The following PTPRK variants were observed in gnomAD, a reference collection of about 807,000 sequenced individuals.
PTPRK encodes the protein receptor-type tyrosine-protein phosphatase kappa.
In PTPRK, 75 loss-of-function variants were observed where a neutral mutation model predicts 178.0. That is an observed-to-expected ratio of 0.42 (90% CI 0.35 to 0.51). The LOEUF is 0.51. Among genes scored for constraint, PTPRK ranks in the 20% least tolerant of loss-of-function variants. The pLI, the probability that PTPRK is intolerant of heterozygous loss-of-function variation, is 0.02. For missense variants in PTPRK, 1,441 were observed against 1,797.8 expected, an observed-to-expected ratio of 0.80 and a Z score of 3.59; for synonymous variants, 637 against 620.6, an observed-to-expected ratio of 1.03 and a Z score of -0.39.
intron 6 of PTPRK, among the ~76,000 whole-genome samples, chr6:128,201,175 CATG>C (rs1805878223): frequency 6.6e-6 from 1 of 152,054 alleles, no homozygotes; most frequent in African/African-American, 2.4e-5. Context: ...CAAAGAATCT[CATG>C]ATATTATTAA....
At chr6:128,164,775 G>T (rs1286372063) in intron 7 of PTPRK, among the ~76,000 whole-genome samples, 3 of 150,592 alleles carry the variant, frequency 2.0e-5, no homozygotes, top group African/African-American at 4.9e-5. Flanking sequence ...GAAAGGCCAG[G>T]GGAAAAGAAC....
chr6:128,208,351 G>GA (rs1324012821), intron 6 of PTPRK, among the ~76,000 whole-genome samples: 2 of 151,250 alleles, frequency 1.3e-5, no homozygotes, highest in Non-Finnish European at 2.9e-5. Flanking sequence ...ATTGATGTAG[G>GA]AAAAAGGTCC....
intron 1 of PTPRK, among the ~76,000 whole-genome samples, chr6:128,465,137 G>T (rs1176602367): frequency 6.7e-6 from 1 of 150,330 alleles, no homozygotes; most frequent in Non-Finnish European, 1.5e-5. Context: ...AGACAAGGCT[G>T]AAATGAACGT....
chr6:128,148,291 A>C (rs1796774526), intron 7 of PTPRK, among the ~76,000 whole-genome samples: 1 of 152,180 alleles, frequency 6.6e-6, no homozygotes, highest in Admixed American at 6.6e-5. Flanking sequence ...CCTAAAAATA[A>C]AAAGGGTTGC....
intron 1 of PTPRK, among the ~76,000 whole-genome samples, chr6:128,402,274 T>C (rs1459669051): frequency 2.0e-5 from 3 of 152,220 alleles, no homozygotes; most frequent in Non-Finnish European, 4.4e-5. Context: ...TGTTTTTGTT[T>C]AGAGATGGAG....
intron 1 of PTPRK, among the ~76,000 whole-genome samples, chr6:128,409,623 T>C (rs1277909505): frequency 6.6e-6 from 1 of 152,194 alleles, no homozygotes; most frequent in Admixed American, 6.5e-5. Context: ...AATCAACTTG[T>C]AAAGTTACAT....
At chr6:128,009,563 A>G (rs1778827108) in intron 13 of PTPRK, among the ~76,000 whole-genome samples, 1 of 151,202 alleles carries the variant, frequency 6.6e-6, no homozygotes, top group African/African-American at 2.4e-5. Flanking sequence ...GTCCGAACAT[A>G]AGGTTGTCTA....
intron 5 of PTPRK, among the ~76,000 whole-genome samples, chr6:128,223,223 G>A (rs1007180990): frequency 4.0e-5 from 6 of 151,682 alleles, no homozygotes; most frequent in Admixed American, 2.0e-4. Context: ...CAAGTACTTT[G>A]TTAAAATGAA....
chr6:128,240,547 C>T (rs1248379803), intron 4 of PTPRK, among the ~76,000 whole-genome samples: 1 of 152,040 alleles, frequency 6.6e-6, no homozygotes, highest in African/African-American at 2.4e-5. Context: ...ATAATGAAAA[C>T]ATATAATGAT....
At chr6:128,192,788 G>C (rs1190618277) in intron 6 of PTPRK, among the ~76,000 whole-genome samples, 1 of 148,826 alleles carries the variant, frequency 6.7e-6, no homozygotes, top group Admixed American at 6.8e-5. Flanking sequence ...CTGCACTCCA[G>C]TGTGGGCAAC....
chr6:128,320,574 AT>A (rs1340403955), intron 3 of PTPRK, among the ~76,000 whole-genome samples: 1 of 152,048 alleles, frequency 6.6e-6, no homozygotes, highest in African/African-American at 2.4e-5. Context: ...TGCTAGATTA[AT>A]TTTTATTGGG....
At chr6:128,143,605 C>T (rs911464084) in intron 7 of PTPRK, among the ~76,000 whole-genome samples, 3 of 152,090 alleles carry the variant, frequency 2.0e-5, no homozygotes, top group African/African-American at 7.2e-5. Flanking sequence ...GAGTTATTGC[C>T]CTTACCTTTC....
At chr6:128,169,586 A>AT (rs1402961241) in intron 7 of PTPRK, among the ~76,000 whole-genome samples, 1 of 151,974 alleles carries the variant, frequency 6.6e-6, no homozygotes, top group African/African-American at 2.4e-5. Flanking sequence ...CACATAGGGT[A>AT]TTTTTTATTG....
chr6:128,411,563 C>T (rs561763278), intron 1 of PTPRK, among the ~76,000 whole-genome samples: 7 of 152,138 alleles, frequency 4.6e-5, no homozygotes, highest in Non-Finnish European at 8.8e-5. Flanking sequence ...AATTACAATA[C>T]GTGCCATTTG....
At chr6:128,371,568 T>C (rs1288912833) in intron 2 of PTPRK, among the ~76,000 whole-genome samples, 1 of 152,216 alleles carries the variant, frequency 6.6e-6, no homozygotes, top group African/African-American at 2.4e-5. Context: ...CAGTAGTTCA[T>C]ACTTTGGTTA....
At chr6:127,974,721 G>T (rs1774328748) in intron 27 of PTPRK, among the ~76,000 whole-genome samples, 1 of 152,058 alleles carries the variant, frequency 6.6e-6, no homozygotes, top group Admixed American at 6.5e-5. Context: ...CTCTTTCACT[G>T]TAAAATGCAT....
At chr6:128,050,874 G>A (rs1377639571) in intron 13 of PTPRK, among the ~76,000 whole-genome samples, 3 of 152,142 alleles carry the variant, frequency 2.0e-5, no homozygotes, top group East Asian at 3.9e-4. Flanking sequence ...ATTTTTACAC[G>A]CTGAAAAATT....
intron 2 of PTPRK, among the ~76,000 whole-genome samples, chr6:128,353,150 A>T (rs1298856772): frequency 1.3e-5 from 2 of 152,230 alleles, no homozygotes; most frequent in African/African-American, 2.4e-5. Context: ...GCCATTAGAG[A>T]AACGCAAACT....
At chr6:128,125,362 T>C (rs1441351278) in intron 7 of PTPRK, among the ~76,000 whole-genome samples, 3 of 151,960 alleles carry the variant, frequency 2.0e-5, no homozygotes, top group Non-Finnish European at 4.4e-5. Flanking sequence ...TTTAAAAGTG[T>C]ACAGCATCTT....
Sources: gnomAD v4.1 joint callset for allele counts (sites outside exome capture counted in the v4.1 genomes callset) on GRCh38, gnomAD v4.1.1 for gene constraint, MANE v1.5 for transcripts, NCBI Gene and HGNC (gene_info 2026-07-23, HGNC 2026-07-21) for gene names.